Variants in BCL9 observed in about 807,000 individuals in gnomAD.
The protein encoded by BCL9 is B-cell CLL/lymphoma 9 protein.
BCL9 carries 25 observed loss-of-function variants against 88.5 expected under a neutral mutation model. The ratio of observed to expected loss-of-function variants is 0.28; its 90% CI spans 0.21 to 0.39. The LOEUF (loss-of-function observed/expected upper bound fraction) is 0.39, where lower values mean the gene tolerates loss of function less well. BCL9 is among the 10% of genes least tolerant of loss of function. BCL9 has a pLI of 1.00. For synonymous variants in BCL9, 711 were observed against 673.3 expected (o/e 1.06, Z -0.87); for missense variants, 1,817 against 1,877.8 (o/e 0.97, Z 0.60).
In BCL9 at chr1:147,621,014, C is replaced by T. The variant is rs782309609; in HGVS notation, c.2859C>T (p.Pro953=). The change falls in exon 8 of 10, where the codon CCC becomes CCT. Residue 953 remains proline, a synonymous_variant. Transcript: ENST00000234739. The stretch of plus-strand genomic sequence containing the variant: ...GGATCCCTCCAAACCATAAAGCACC[C>T]CTCACCATGGCCTCCCCAGCCATGC... ...SPGIPPNHKA[P]LTMASPAMLG... 1.2e-6 allele frequency: 2 copies of T among 1,614,128 alleles called. No individual in the cohort carries two copies. Among genetic ancestry groups the T allele is most frequent in the Admixed American group, 1.7e-5 (1 of 60,026 alleles).
At chr1:147,611,254 T>G (rs1657988282) in intron 3 of BCL9, among the ~76,000 whole-genome samples, 1 of 152,202 alleles carries the variant, frequency 6.6e-6, no homozygotes, top group Non-Finnish European at 1.5e-5. Flanking sequence ...TTTTGAGGGT[T>G]TTGTATTCAA....
intron 1 of BCL9, among the ~76,000 whole-genome samples, chr1:147,553,662 G>A (rs1224895065): frequency 1.3e-5 from 2 of 152,146 alleles, no homozygotes; most frequent in Admixed American, 1.3e-4. Flanking sequence ...TGATGTCTGT[G>A]CCCTAGTTCC....
intron 1 of BCL9, among the ~76,000 whole-genome samples, chr1:147,572,083 C>CAAAAA (rs34956999): frequency 5.0e-4 from 76 of 150,714 alleles, no homozygotes; most frequent in African/African-American, 1.8e-3. Context: ...ACTAAAAATA[C>CAAAAA]AAAAAAAAAT....
At chr1:147,616,452 C>T (rs587679067) in intron 7 of BCL9, among the ~76,000 whole-genome samples, 1 of 152,142 alleles carries the variant, frequency 6.6e-6, no homozygotes, top group Non-Finnish European at 1.5e-5. Context: ...ATCTTAAGCA[C>T]CTGCTATAAA....
chr1:147,548,117 C>G (rs1553194452), intron 1 of BCL9, among the ~76,000 whole-genome samples: 1 of 152,034 alleles, frequency 6.6e-6, no homozygotes, highest in Non-Finnish European at 1.5e-5. Flanking sequence ...CTTGGAGTAG[C>G]TTTTTATCTG....
chr1:147,620,934 C>A lies in BCL9; in HGVS notation c.2779C>A (p.Pro927Thr), dbSNP rs372223913. 8.0e-5 allele frequency: 129 copies of A among 1,614,176 alleles called. No individual in the cohort carries two copies. Among genetic ancestry groups the A allele is most frequent in the Non-Finnish European group, 9.5e-5 (112 of 1,180,038 alleles). ...SPVHLKSPSL[P>T]APSPGWTSSP... ...TGTCCACCTCAAGTCTCCATCACTT[C>A]CTGCCCCGTCACCTGGATGGACCTC... The change falls in exon 8 of 10, where the codon CCT becomes ACT. Residue 927 changes from proline (P) to threonine (T), a missense_variant. Coordinates refer to ENST00000234739, the MANE Select transcript of BCL9 (RefSeq NM_004326.4).
intron 1 of BCL9, among the ~76,000 whole-genome samples, chr1:147,574,222 C>T (rs1458369254): frequency 6.6e-6 from 1 of 152,122 alleles, no homozygotes; most frequent in Non-Finnish European, 1.5e-5. Flanking sequence ...AACTGCAAGG[C>T]AAAAGGCACT....
intron 1 of BCL9, among the ~76,000 whole-genome samples, chr1:147,553,338 T>C (rs1469913828): frequency 6.6e-6 from 1 of 152,190 alleles, no homozygotes; most frequent in African/African-American, 2.4e-5. Context: ...TTAGACTCAT[T>C]CTTATTTCAA....
chr1:147,560,379 C>T (rs1553195960), intron 1 of BCL9, among the ~76,000 whole-genome samples: 1 of 150,982 alleles, frequency 6.6e-6, no homozygotes, highest in African/African-American at 2.4e-5. Flanking sequence ...CACCTGAGGT[C>T]AGGAGTTCTA....
chr1:147,583,620 A>G (rs1656466635), intron 1 of BCL9, among the ~76,000 whole-genome samples: 1 of 152,026 alleles, frequency 6.6e-6, no homozygotes, highest in Non-Finnish European at 1.5e-5. Context: ...TTTTACATAC[A>G]GAATTTTACA....
At position 147,626,073 on chromosome 1, in the gene BCL9, T is replaced by C. The variant is rs1658935580; in HGVS notation, c.*1114T>C. ...TAAAAGCTATCCAGGATTTTGTTTC[T>C]GTTTGTTTTAAATTTTGTGGTTCCT... is the stretch of plus-strand genomic sequence containing the variant. On this transcript the variant is annotated 3_prime_UTR_variant, in exon 10 of 10. Coordinates refer to ENST00000234739, the MANE Select transcript of BCL9 (RefSeq NM_004326.4). The C allele has an allele frequency of 4.5e-6, 1 of 222,574 alleles. No individual in the cohort carries two copies. The highest frequency in any genetic ancestry group is 2.2e-5 in the African/African-American group (1 of 44,672). 13.8% of individuals were successfully genotyped at this position (222,574 alleles called of 1,614,324 possible). A position where few individuals can be genotyped will look rare whatever the true frequency, so the allele number is the denominator to read the frequency against.
chr1:147,607,323 A>G (rs1657770972), intron 3 of BCL9, among the ~76,000 whole-genome samples: 1 of 152,182 alleles, frequency 6.6e-6, no homozygotes, highest in South Asian at 2.1e-4. Flanking sequence ...CCATATACTG[A>G]TTTCATTTCC....
At chr1:147,543,802 A>G (rs1654436237) in intron 1 of BCL9, among the ~76,000 whole-genome samples, 1 of 152,170 alleles carries the variant, frequency 6.6e-6, no homozygotes, top group Non-Finnish European at 1.5e-5. Flanking sequence ...CCTGGGGTTC[A>G]GAGTACCCCA....
At chr1:147,606,468 T>G (rs587680291) in intron 2 of BCL9, among the ~76,000 whole-genome samples, 2 of 152,322 alleles carry the variant, frequency 1.3e-5, no homozygotes, top group South Asian at 4.1e-4. Context: ...TTATGAGGAG[T>G]TTCTTTCTAC....
intron 1 of BCL9, among the ~76,000 whole-genome samples, chr1:147,586,202 T>C (rs1553199208): frequency 1.3e-5 from 2 of 152,136 alleles, no homozygotes; most frequent in African/African-American, 4.8e-5. Context: ...ACTCAGCCTT[T>C]CCACCCACTT....
intron 1 of BCL9, among the ~76,000 whole-genome samples, chr1:147,547,428 G>A (rs1654657701): frequency 6.6e-6 from 1 of 152,164 alleles, no homozygotes; most frequent in Admixed American, 6.5e-5. Flanking sequence ...TAGAACTCCA[G>A]AGTAAATTTT....
intron 1 of BCL9, among the ~76,000 whole-genome samples, chr1:147,564,683 G>C (rs587752422): frequency 1.2e-4 from 19 of 152,264 alleles, no homozygotes; most frequent in African/African-American, 4.6e-4. Flanking sequence ...ATCATTGCCT[G>C]CATTACAAAA....
chr1:147,587,020 C>CTT lies in BCL9; in HGVS notation c.-477-17756_-477-17755insTT, dbSNP rs1191478261. 1.2e-3 allele frequency among the ~76,000 whole-genome samples: 29 copies of CTT among 23,332 alleles called. No individual in the cohort carries two copies. The African/African-American group carries it at 0.013, about 11-fold the overall frequency. 15.3% of individuals were successfully genotyped at this position (23,332 alleles called of 152,430 possible). ...TCCAGGAATGTGGTTCGTTTTCTCT[C>CTT]TCTTTCTCTCTCTCTCTATATATGT... On this transcript the variant is annotated intron_variant, in intron 1 of 9. Transcript: ENST00000234739.
At chr1:147,545,337 C>G (rs587769604) in intron 1 of BCL9, among the ~76,000 whole-genome samples, 2 of 151,878 alleles carry the variant, frequency 1.3e-5, no homozygotes, top group South Asian at 4.2e-4. Context: ...CTCTCCCCCA[C>G]CCCAAGTGTG....
Sources: allele counts gnomAD v4.1 joint callset (sites outside exome capture counted in the v4.1 genomes callset), GRCh38; gene constraint gnomAD v4.1.1; transcripts MANE v1.5; gene names NCBI Gene and HGNC (gene_info 2026-07-23, HGNC 2026-07-21).